Variants in SMCO3 observed in about 807,000 individuals in gnomAD.
SMCO3 encodes the protein single-pass membrane protein with coiled-coil domains 3.
Under a neutral mutation model 12.0 loss-of-function variants are expected in SMCO3, and 6 were observed. The observed-to-expected ratio is 0.50, with a 90% CI of 0.27 to 0.99. The LOEUF (loss-of-function observed/expected upper bound fraction) is 0.99. Ranked by LOEUF, SMCO3 falls within the 50% of genes least tolerant of loss-of-function variation. The pLI, the probability that SMCO3 is intolerant of heterozygous loss-of-function variation, is 0.11. For synonymous variants in SMCO3, 96 were observed against 96.4 expected, an observed-to-expected ratio of 1.00 and a Z score of 0.02; for missense variants, 279 against 265.0, an observed-to-expected ratio of 1.05 and a Z score of -0.37.
chr12:14,809,449 C>T (rs774139641), intron 1 of SMCO3, among the ~76,000 whole-genome samples: 2 of 151,938 alleles, frequency 1.3e-5, no homozygotes, highest in African/African-American at 2.4e-5. Flanking sequence ...GGTACAGGTA[C>T]AAGAGTCAGT....
In SMCO3 at chr12:14,809,481, C is replaced by G. The variant is rs551207124; in HGVS notation, c.-16-2785G>C. 5.3e-5 allele frequency among the ~76,000 whole-genome samples: 8 copies of G among 152,120 alleles called. No homozygotes were observed. The South Asian group carries it at 1.7e-3, about 32-fold the overall frequency. On this transcript the variant is annotated intron_variant, in intron 1 of 1. Coordinates refer to ENST00000316048, the MANE Select transcript of SMCO3 (RefSeq NM_001013698.2). ...CAGTGAATTAATGGAACAAATTAGT[C>G]CCCAAAGCAGACCCTTCTATCTGTT...
chr12:14,810,183 G>A (rs1950115081), intron 1 of SMCO3, among the ~76,000 whole-genome samples: 1 of 152,088 alleles, frequency 6.6e-6, no homozygotes, highest in South Asian at 2.1e-4. Context: ...AGTGGGGAGG[G>A]TTTTCTTGTG....
At chr12:14,810,448 A>G (rs1950119212) in intron 1 of SMCO3, among the ~76,000 whole-genome samples, 5 of 152,218 alleles carry the variant, frequency 3.3e-5, no homozygotes, top group Admixed American at 3.3e-4. Flanking sequence ...TACCACGTGT[A>G]AGGTCATATG....
intron 1 of SMCO3, among the ~76,000 whole-genome samples, chr12:14,813,402 C>T (rs1226490513): frequency 6.6e-6 from 1 of 152,126 alleles, no homozygotes; most frequent in Non-Finnish European, 1.5e-5. Flanking sequence ...TTCTGAGTCT[C>T]CTTTAATTCA....
In SMCO3 at chr12:14,806,674, G is replaced by A. The variant is rs1205665474; in HGVS notation, c.7C>T (p.Gln3Ter). ...TTCTCTGGGTAAAGGAAGTCACTTT[G>A]GGCCATATTTCCAATATGATCGCTG... is the stretch of plus-strand genomic sequence containing the variant. The part of the protein sequence containing the change: MA[Q>*]SDFLYPENPK... The change falls in exon 2 of 2, where the codon CAA (glutamine) becomes TAA (stop). Residue 3 changes from glutamine (Q) to a stop codon, truncating the protein, a stop_gained. Transcript: ENST00000316048. LOFTEE classifies it high-confidence loss of function. 1 of 1,577,186 alleles carries A rather than the reference G, an allele frequency of 6.3e-7. No individual in the cohort carries two copies. The highest frequency in any genetic ancestry group is 2.2e-5 in the East Asian group (1 of 44,604).
chr12:14,809,443 C>T (rs987653646), intron 1 of SMCO3, among the ~76,000 whole-genome samples: 16 of 152,016 alleles, frequency 1.1e-4, no homozygotes, highest in African/African-American at 3.6e-4. Context: ...CAGTATGGTA[C>T]AGGTACAAGA....
At chr12:14,808,331 A>G (rs1052192535) in intron 1 of SMCO3, among the ~76,000 whole-genome samples, 1 of 151,968 alleles carries the variant, frequency 6.6e-6, no homozygotes, top group East Asian at 1.9e-4. Flanking sequence ...ATGCTACTCA[A>G]TATGCATACT....
rs569934811 is a variant in SMCO3 at position 14,814,147 on chromosome 12, G to A, written c.-38C>T. 2 of 152,158 alleles carry A rather than the reference G, an allele frequency of 1.3e-5. No homozygotes were observed. The highest frequency in any genetic ancestry group is 4.8e-5 in the African/African-American group (2 of 41,508). 9.4% of individuals were successfully genotyped at this position (152,158 alleles called of 1,614,324 possible). On this transcript the variant is annotated 5_prime_UTR_variant, in exon 1 of 2. It adds an upstream start codon to the 5' untranslated region. Transcript: ENST00000316048. ...TTACCTTGCTGTGTTTCTGAGTTCC[G>A]TGGTCCTAGCAGTTGTTTAGGAGTA...
At chr12:14,810,151 T>C (rs1157025582) in intron 1 of SMCO3, among the ~76,000 whole-genome samples, 1 of 152,200 alleles carries the variant, frequency 6.6e-6, no homozygotes, top group Admixed American at 6.5e-5. Context: ...CTTACCTTCC[T>C]AGCTTTTTTC....
chr12:14,810,775 A>G (rs970458346), intron 1 of SMCO3, among the ~76,000 whole-genome samples: 4 of 152,182 alleles, frequency 2.6e-5, no homozygotes, highest in South Asian at 4.1e-4. Flanking sequence ...TGGGCACCAC[A>G]TGGAGAACCA....
chr12:14,810,027 C>G (rs1950111983), intron 1 of SMCO3, among the ~76,000 whole-genome samples: 2 of 152,168 alleles, frequency 1.3e-5, no homozygotes, highest in South Asian at 2.1e-4. Flanking sequence ...TTCGTGGGAT[C>G]TAGACATCAG....
intron 1 of SMCO3, among the ~76,000 whole-genome samples, chr12:14,808,427 C>T (rs1950086711): frequency 6.6e-6 from 1 of 151,906 alleles, no homozygotes; most frequent in Non-Finnish European, 1.5e-5. Context: ...AGTTCTTTAT[C>T]CATATCCATG....
chr12:14,805,910 G>T lies in SMCO3; in HGVS notation c.*93C>A. ...TGTTTATCTTATTTAAGTCCATATT[G>T]GAAGCCTATAGAAAATGAACCTAAT... On this transcript the variant is annotated 3_prime_UTR_variant, in exon 2 of 2. Transcript: ENST00000316048. The T allele has an allele frequency of 1.6e-6, 2 of 1,242,246 alleles. No individual in the cohort carries two copies. The highest frequency in any genetic ancestry group is 2.3e-6 in the Non-Finnish European group (2 of 887,472). The allele number at this position is 1,242,246 out of a possible 1,614,324, so 77.0% of individuals were successfully genotyped here.
At chr12:14,806,788 T>C in intron 1 of SMCO3, 92 bp from the exon 2 acceptor site, 1 of 1,162,214 alleles carries the variant, frequency 8.6e-7, no homozygotes, top group South Asian at 1.5e-5. Context: ...TCTTCATGCA[T>C]AGCAAAGAAG....
At chr12:14,813,390 A>G (rs1036973861) in intron 1 of SMCO3, among the ~76,000 whole-genome samples, 3 of 152,252 alleles carry the variant, frequency 2.0e-5, no homozygotes, top group African/African-American at 7.2e-5. Flanking sequence ...GCTTCTAACT[A>G]GTTCTGAGTC....
At position 14,805,904 on chromosome 12, in the gene SMCO3, C is replaced by A; in HGVS notation, c.*99G>T. 2.5e-6 allele frequency: 3 copies of A among 1,189,610 alleles called. No homozygotes were observed. The highest frequency in any genetic ancestry group is 3.6e-6 in the Non-Finnish European group (3 of 841,918). The allele number at this position is 1,189,610 out of a possible 1,614,324, so 73.7% of individuals were successfully genotyped here. On this transcript the variant is annotated 3_prime_UTR_variant, in exon 2 of 2. Transcript: ENST00000316048. ...CCAAATTGTTTATCTTATTTAAGTC[C>A]ATATTGGAAGCCTATAGAAAATGAA...
intron 1 of SMCO3, among the ~76,000 whole-genome samples, chr12:14,806,954 C>T (rs892753760): frequency 6.6e-6 from 1 of 152,158 alleles, no homozygotes; most frequent in Non-Finnish European, 1.5e-5. Flanking sequence ...GCCTCAGCCT[C>T]CCGAGTAGCT....
At chr12:14,812,962 T>A (rs969054831) in intron 1 of SMCO3, among the ~76,000 whole-genome samples, 1 of 152,176 alleles carries the variant, frequency 6.6e-6, no homozygotes, top group African/African-American at 2.4e-5. Context: ...AGTTCTTGCC[T>A]ATTTGGAAAT....
chr12:14,810,187 T>C (rs1219010664), intron 1 of SMCO3, among the ~76,000 whole-genome samples: 1 of 152,202 alleles, frequency 6.6e-6, no homozygotes, highest in Non-Finnish European at 1.5e-5. Flanking sequence ...GGGAGGGTTT[T>C]CTTGTGCTAA....
Sources: allele counts gnomAD v4.1 joint callset (sites outside exome capture counted in the v4.1 genomes callset), GRCh38; gene constraint gnomAD v4.1.1; transcripts MANE v1.5; gene names NCBI Gene and HGNC (gene_info 2026-07-23, HGNC 2026-07-21).